The following GRID2 variants were observed in gnomAD, a reference collection of about 807,000 sequenced individuals.
GRID2 encodes the protein glutamate ionotropic receptor delta type subunit 2, also known as glutamate receptor ionotropic, delta-2.
Under a neutral mutation model 114.8 loss-of-function variants are expected in GRID2, and 33 were observed. That is an observed-to-expected ratio of 0.29 (90% CI 0.22 to 0.38). GRID2 has a LOEUF of 0.38. Among genes scored for constraint, GRID2 ranks in the 10% least tolerant of loss-of-function variants. The probability of loss-of-function intolerance (pLI) is 1.00; values close to 1 mark genes in which losing one functional copy is unlikely to be tolerated. For missense variants in GRID2, 1,184 were observed against 1,257.7 expected (o/e 0.94, Z 0.89); for synonymous variants, 505 against 449.9 (o/e 1.12, Z -1.55).
chr4:93,150,414 C>T (rs866726986), intron 4 of GRID2, among the ~76,000 whole-genome samples: 67 of 152,120 alleles, frequency 4.4e-4, no homozygotes, highest in African/African-American at 1.5e-3. Context: ...ACAGGTAGCA[C>T]GGGAATAAGG....
At chr4:93,624,943 GT>G (rs1462863675) in intron 13 of GRID2, among the ~76,000 whole-genome samples, 1 of 152,140 alleles carries the variant, frequency 6.6e-6, no homozygotes, top group Admixed American at 6.5e-5. Flanking sequence ...GATAGAGGAG[GT>G]TGTGGAATCG....
chr4:92,314,207 T>C (rs949974663), intron 1 of GRID2, among the ~76,000 whole-genome samples: 9 of 152,088 alleles, frequency 5.9e-5, no homozygotes, highest in Non-Finnish European at 1.2e-4. Flanking sequence ...GTTTCCCAGA[T>C]TGCCATTCAA....
At chr4:93,140,266 C>T (rs1238172557) in intron 4 of GRID2, among the ~76,000 whole-genome samples, 1 of 150,286 alleles carries the variant, frequency 6.7e-6, no homozygotes, top group Non-Finnish European at 1.5e-5. Flanking sequence ...TCACGCCATT[C>T]TCCTGCCTCA....
chr4:93,526,048 T>C (rs1730860297), intron 13 of GRID2, among the ~76,000 whole-genome samples: 2 of 152,304 alleles, frequency 1.3e-5, no homozygotes, highest in African/African-American at 4.8e-5. Flanking sequence ...TTAAAAATTA[T>C]AATCCTACTG....
chr4:92,975,019 T>C (rs557388969), intron 2 of GRID2, among the ~76,000 whole-genome samples: 50 of 151,680 alleles, frequency 3.3e-4, no homozygotes, highest in Non-Finnish European at 2.2e-4. Context: ...TAGCCGGGCA[T>C]GGTGGCAGGT....
intron 8 of GRID2, among the ~76,000 whole-genome samples, chr4:93,269,139 C>G (rs1751160480): frequency 6.6e-6 from 1 of 152,014 alleles, no homozygotes; most frequent in Non-Finnish European, 1.5e-5. Flanking sequence ...GCTAGGAAGA[C>G]TAGAATATCC....
intron 2 of GRID2, among the ~76,000 whole-genome samples, chr4:92,732,683 A>C (rs749566280): frequency 3.9e-5 from 6 of 152,082 alleles, no homozygotes; most frequent in Non-Finnish European, 8.8e-5. Flanking sequence ...ATTCCTTCTT[A>C]GAATTAACAT....
At position 92,600,976 on chromosome 4, in the gene GRID2, C is replaced by T. The variant is rs1729191732; in HGVS notation, c.244+10690C>T. 1.3e-5 allele frequency among the ~76,000 whole-genome samples: 2 copies of T among 152,158 alleles called. 1 individual carries two copies. Among genetic ancestry groups the T allele is most frequent in the South Asian group, 4.1e-4 (2 of 4,828 alleles). On this transcript the variant is annotated intron_variant, in intron 2 of 15. Coordinates refer to ENST00000282020, the MANE Select transcript of GRID2 (RefSeq NM_001510.4). ...GGACTGCCTAGATTCCTCAGAGCCA[C>T]CAGGAAGGACTAAGTCTGTTGATCC...
chr4:93,645,837 T>C (rs1368701611), intron 14 of GRID2, among the ~76,000 whole-genome samples: 1 of 152,216 alleles, frequency 6.6e-6, no homozygotes, highest in Non-Finnish European at 1.5e-5. Context: ...AAATATATTC[T>C]AAATTCTTAG....
rs758948255 is a variant in GRID2, at chr4:93,238,351, G to T, written c.1126-20G>T. The stretch of plus-strand genomic sequence containing the variant: ...TTTTTACTTCTCAAATTTTACATCA[G>T]TATCTGTTCTCTCCTTTAGGGTGGA... On this transcript the variant is annotated intron_variant, in intron 7 of 15. Coordinates refer to ENST00000282020, the MANE Select transcript of GRID2 (RefSeq NM_001510.4). The T allele has an allele frequency of 6.4e-7, 1 of 1,570,634 alleles. No individual in the cohort carries two copies. Among genetic ancestry groups the T allele is most frequent in the East Asian group, 2.3e-5 (1 of 44,186 alleles).
At chr4:93,478,872 A>G (rs1289127667) in intron 11 of GRID2, among the ~76,000 whole-genome samples, 1 of 152,100 alleles carries the variant, frequency 6.6e-6, no homozygotes, top group Non-Finnish European at 1.5e-5. Context: ...CAATTACATG[A>G]TCTAATGTCT....
rs180747862 is a variant in GRID2 at position 93,107,696 on chromosome 4, G to T, written c.530-3052G>T. ...TTTTAGTAGAGACGAGGTTTACCAT[G>T]TTGGCCAGGCTGGTCTCGAACTCCT... is the stretch of plus-strand genomic sequence containing the variant. On this transcript the variant is annotated intron_variant, in intron 3 of 15. Transcript: ENST00000282020. 5.5e-3 allele frequency among the ~76,000 whole-genome samples: 830 copies of T among 152,084 alleles called. 10 individuals carry two copies. Among genetic ancestry groups the T allele is most frequent in the African/African-American group, 0.019 (778 of 41,490 alleles).
At chr4:92,473,959 C>T (rs1389004125) in intron 1 of GRID2, among the ~76,000 whole-genome samples, 1 of 116,300 alleles carries the variant, frequency 8.6e-6, no homozygotes, top group Non-Finnish European at 1.8e-5. Context: ...AAATTGTTAT[C>T]TTGGTTGTGT....
In GRID2 at chr4:92,590,370, G is replaced by C. The variant is rs530036007; in HGVS notation, c.244+84G>C. On this transcript the variant is annotated intron_variant, in intron 2 of 15. Coordinates refer to ENST00000282020, the MANE Select transcript of GRID2 (RefSeq NM_001510.4). The stretch of plus-strand genomic sequence containing the variant: ...TCTTTGATGAAACTTATTAAACATG[G>C]ACATCATTTTTGTATCTTGTTGATA... 1.1e-5 allele frequency: 10 copies of C among 948,364 alleles called. No individual in the cohort carries two copies. In the African/African-American group the frequency reaches 1.5e-4, roughly 14 times the overall value. 58.7% of individuals were successfully genotyped at this position (948,364 alleles called of 1,614,324 possible). A position where few individuals can be genotyped will look rare whatever the true frequency, so the allele number is the denominator to read the frequency against.
chr4:93,143,398 T>C (rs931634621), intron 4 of GRID2, among the ~76,000 whole-genome samples: 7 of 152,196 alleles, frequency 4.6e-5, no homozygotes, highest in Admixed American at 2.0e-4. Flanking sequence ...GCTCTGTTGA[T>C]GCCACTTATG....
intron 1 of GRID2, among the ~76,000 whole-genome samples, chr4:92,413,958 C>G (rs986970735): frequency 7.2e-5 from 11 of 151,832 alleles, no homozygotes; most frequent in African/African-American, 2.7e-4. Flanking sequence ...AAGAATATTA[C>G]TTTAGATAAA....
chr4:92,717,878 A>T (rs1034288639), intron 2 of GRID2, among the ~76,000 whole-genome samples: 9 of 152,304 alleles, frequency 5.9e-5, no homozygotes, highest in African/African-American at 2.2e-4. Flanking sequence ...AAAATATCCC[A>T]ATGTTTCTAT....
At chr4:92,857,662 A>C (rs1023259155) in intron 2 of GRID2, among the ~76,000 whole-genome samples, 3 of 152,316 alleles carry the variant, frequency 2.0e-5, no homozygotes, top group Non-Finnish European at 2.9e-5. Flanking sequence ...ATAAAACTTT[A>C]AGGTGAAGCA....
At chr4:93,253,922 G>A (rs1377253404) in intron 8 of GRID2, among the ~76,000 whole-genome samples, 2 of 152,088 alleles carry the variant, frequency 1.3e-5, no homozygotes, top group Non-Finnish European at 2.9e-5. Context: ...CTCTGATTTT[G>A]TTGAAGCTAC....
Sources: allele counts gnomAD v4.1 joint callset (sites outside exome capture counted in the v4.1 genomes callset), GRCh38; gene constraint gnomAD v4.1.1; transcripts MANE v1.5; gene names NCBI Gene and HGNC (gene_info 2026-07-23, HGNC 2026-07-21).